The following PCDHGA10 variants were observed in gnomAD, a reference collection of about 807,000 sequenced individuals.
PCDHGA10 encodes protocadherin gamma subfamily A, 10, also known as protocadherin gamma-A10.
PCDHGA10 carries 42 observed loss-of-function variants against 59.5 expected under a neutral mutation model. The observed-to-expected ratio is 0.71, with a 90% CI of 0.55 to 0.91. The LOEUF (loss-of-function observed/expected upper bound fraction) is 0.91. Ranked by LOEUF, PCDHGA10 falls within the 40% of genes least tolerant of loss-of-function variation. PCDHGA10 has a pLI of 0.00. For missense variants in PCDHGA10, 1,111 were observed against 1,198.2 expected (o/e 0.93, Z 1.07); for synonymous variants, 511 against 517.2 (o/e 0.99, Z 0.16).
chr5:141,487,622 C>T lies in PCDHGA10; in HGVS notation c.2437-7185C>T. Reference sequence around the variant, plus strand: ...TCTTCTCTATGGGCTAGAGGTGAGACCTTTGCAGGCTCAACAAATGCTTGA... The same window carrying T: ...TCTTCTCTATGGGCTAGAGGTGAGATCTTTGCAGGCTCAACAAATGCTTGA... On this transcript the variant is annotated intron_variant, in intron 1 of 3. Coordinates refer to ENST00000398610, the MANE Select transcript of PCDHGA10 (RefSeq NM_018913.3). This position sits in a 1 kb window ranked among gnomAD's most constrained non-coding sequence, Gnocchi z 5.0. 1.2e-6 allele frequency: 2 copies of T among 1,614,174 alleles called. No homozygotes were observed. Among genetic ancestry groups the T allele is most frequent in the South Asian group, 1.1e-5 (1 of 91,084 alleles).
rs1446853595 is a variant in PCDHGA10, at chr5:141,491,363, C to T, written c.2437-3444C>T. ...ACCGTCAGTCTCTTATCCCTAGTCA[C>T]CTTCACCTTTCTGTCAGCGAAGTGC... On this transcript the variant is annotated intron_variant, in intron 1 of 3. Coordinates refer to ENST00000398610, the MANE Select transcript of PCDHGA10 (RefSeq NM_018913.3). This position sits in a 1 kb window ranked among gnomAD's most constrained non-coding sequence, Gnocchi z 6.9. The T allele has an allele frequency of 6.2e-7, 1 of 1,614,182 alleles. No individual in the cohort carries two copies. Among genetic ancestry groups the T allele is most frequent in the South Asian group, 1.1e-5 (1 of 91,082 alleles).
In PCDHGA10 at chr5:141,415,536, G is replaced by A. The variant is rs1561758201; in HGVS notation, c.2361G>A (p.Glu787=). 6.2e-7 allele frequency: 1 copy of A among 1,614,150 alleles called. No homozygotes were observed. The highest frequency in any genetic ancestry group is 8.5e-7 in the Non-Finnish European group (1 of 1,180,024). ...PNYADTLISQ[E]SCEKNDPLSL... The stretch of plus-strand genomic sequence containing the variant: ...ATGCGGACACGCTCATCAGCCAGGA[G>A]AGCTGTGAGAAAAACGATCCTTTGT... The change falls in exon 1 of 4, where the codon GAG becomes GAA. Residue 787 remains glutamate, a synonymous_variant. Coordinates refer to ENST00000398610, the MANE Select transcript of PCDHGA10 (RefSeq NM_018913.3).
Position 141,501,330 on chromosome 5 carries a change from CA to C in PCDHGA10, c.2496-4062del, listed in dbSNP as rs1562200936. 1.8e-3 allele frequency among the ~76,000 whole-genome samples: 266 copies of C among 151,500 alleles called. 1 individual carries two copies. Among genetic ancestry groups the C allele is most frequent in the African/African-American group, 5.1e-3 (210 of 41,250 alleles). On this transcript the variant is annotated intron_variant, in intron 2 of 3. Transcript: ENST00000398610. ...ACACACACACACACACACACACACACACACCCCAAACTCAATAGGGCAAGAA... is the reference window on the plus strand; with the variant it reads ...ACACACACACACACACACACACACACCACCCCAAACTCAATAGGGCAAGAA...
Position 141,413,350 on chromosome 5 carries a change from G to A in PCDHGA10, c.175G>A (p.Ala59Thr). The A allele has an allele frequency of 6.2e-7, 1 of 1,613,974 alleles. No individual in the cohort carries two copies. Among genetic ancestry groups the A allele is most frequent in the Non-Finnish European group, 8.5e-7 (1 of 1,179,908 alleles). Residue 59 changes from alanine (A) to threonine (T), a missense_variant, in exon 1 of 4, where the codon GCG becomes ACG. Physicochemically the swap from Ala to Thr is moderately conservative, Grantham distance 58. Transcript: ENST00000398610. ...VGNISKDLGL[A>T]PRELAERGVR... ...CAACATCTCCAAGGACTTGGGTCTGGCGCCCCGGGAGCTGGCGGAGCGCGG... is the reference window on the plus strand; with the variant it reads ...CAACATCTCCAAGGACTTGGGTCTGACGCCCCGGGAGCTGGCGGAGCGCGG...
Position 141,510,957 on chromosome 5 carries a change from T to C in PCDHGA10, c.2595T>C (p.Asp865=), listed in dbSNP as rs372617587. ...MILASASEAA[D]GSSTLGGGAG... ...CCTCTGTCTCTGCAGAAGCTGCTGA[T>C]GGGAGCTCCACCCTGGGAGGGGGTG... Residue 865 remains aspartate, a synonymous_variant, in exon 4 of 4, where the codon GAT becomes GAC. Transcript: ENST00000398610. 2.5e-6 allele frequency: 4 copies of C among 1,614,134 alleles called. No individual in the cohort carries two copies. The highest frequency in any genetic ancestry group is 3.4e-6 in the Non-Finnish European group (4 of 1,180,004).
chr5:141,480,429 T>C (rs72790066), intron 1 of PCDHGA10, among the ~76,000 whole-genome samples: 4 of 151,864 alleles, frequency 2.6e-5, no homozygotes, highest in African/African-American at 9.7e-5. Flanking sequence ...AAAAAAATTA[T>C]CAGCTATTAC....
Position 141,477,545 on chromosome 5 carries a change from C to T in PCDHGA10, c.2437-17262C>T. The T allele has an allele frequency of 6.2e-7, 1 of 1,614,194 alleles. No individual in the cohort carries two copies. Among genetic ancestry groups the T allele is most frequent in the South Asian group, 1.1e-5 (1 of 91,086 alleles). On this transcript the variant is annotated intron_variant, in intron 1 of 3. Coordinates refer to ENST00000398610, the MANE Select transcript of PCDHGA10 (RefSeq NM_018913.3). The surrounding 1 kb of genome is among the most constrained non-coding windows in gnomAD (Gnocchi z 4.9). ...AAACAACCTCCCCGGGGCTCCAATA[C>T]TAAACCTAAGTGTCTGGGACCCCGA...
At position 141,418,475 on chromosome 5, in the gene PCDHGA10, A is replaced by G; in HGVS notation, c.2436+2864A>G. On this transcript the variant is annotated intron_variant, in intron 1 of 3. Transcript: ENST00000398610. The stretch of plus-strand genomic sequence containing the variant: ...GAAGACTCTGGACCGAGAAACGCAG[A>G]GCGCTCACCACTTGGTACTGACCGC... 3 of 1,614,000 alleles carry G rather than the reference A, an allele frequency of 1.9e-6. No individual in the cohort carries two copies. Among genetic ancestry groups the G allele is most frequent in the Non-Finnish European group, 2.5e-6 (3 of 1,179,892 alleles).
intron 1 of PCDHGA10, among the ~76,000 whole-genome samples, chr5:141,488,497 C>CA (rs1415483796): frequency 4.6e-5 from 7 of 152,204 alleles, no homozygotes; most frequent in African/African-American, 1.7e-4. Flanking sequence ...CTGTAACACT[C>CA]ATTCCACATT....
rs138542775 is a variant in PCDHGA10, at chr5:141,491,313, C to T, written c.2437-3494C>T. ...ACCCTCCTGAGCGTTCAGACCTTAC[C>T]CTTTACCTCATTGTGGCTCTAGCGA... On this transcript the variant is annotated intron_variant, in intron 1 of 3. Transcript: ENST00000398610. This position sits in a 1 kb window ranked among gnomAD's most constrained non-coding sequence, Gnocchi z 6.9. 405 of 1,614,154 alleles carry T rather than the reference C, an allele frequency of 2.5e-4. 2 individuals are homozygous for T. In the African/African-American group the frequency reaches 4.5e-3, roughly 18 times the overall value.
Position 141,427,970 on chromosome 5 carries a change from C to A in PCDHGA10, c.2436+12359C>A, listed in dbSNP as rs760792774. On this transcript the variant is annotated intron_variant, in intron 1 of 3. Coordinates refer to ENST00000398610, the MANE Select transcript of PCDHGA10 (RefSeq NM_018913.3). ...ATGACAATGTGCCGCGGGTGCTGTA[C>A]CCCGCGCTGGGGCCCGATGGCTCCG... 1.9e-6 allele frequency: 3 copies of A among 1,592,510 alleles called. No individual in the cohort carries two copies. The Admixed American group carries it at 5.0e-5, about 27-fold the overall frequency.
At chr5:141,495,779 C>A (rs529564820) in intron 2 of PCDHGA10, among the ~76,000 whole-genome samples, 53 of 152,094 alleles carry the variant, frequency 3.5e-4, no homozygotes, top group Non-Finnish European at 4.6e-4. Flanking sequence ...TCCTGGACCT[C>A]TTTTCTGTTT....
intron 1 of PCDHGA10, chr5:141,419,566 C>G: frequency 3.1e-6 from 5 of 1,611,792 alleles, no homozygotes; most frequent in Non-Finnish European, 2.5e-6. Context: ...CGCTGGGTCC[C>G]GACGGCTCCG....
chr5:141,481,257 A>T (rs2099534664), intron 1 of PCDHGA10, among the ~76,000 whole-genome samples: 1 of 152,172 alleles, frequency 6.6e-6, no homozygotes, highest in African/African-American at 2.4e-5. Context: ...GCTCTAAAAG[A>T]TCACTGTAGG....
chr5:141,491,709 C>T lies in PCDHGA10; in HGVS notation c.2437-3098C>T, dbSNP rs2099725685. On this transcript the variant is annotated intron_variant, in intron 1 of 3. Coordinates refer to ENST00000398610, the MANE Select transcript of PCDHGA10 (RefSeq NM_018913.3). The surrounding 1 kb of genome is among the most constrained non-coding windows in gnomAD (Gnocchi z 6.9). The stretch of plus-strand genomic sequence containing the variant: ...TGCGGGAGCGGAGCCAGGTGAGGGG[C>T]TCGGCGCCGCCCCGGGCGACCCCTG... 6.2e-7 allele frequency: 1 copy of T among 1,610,156 alleles called. No homozygotes were observed. Among genetic ancestry groups the T allele is most frequent in the Non-Finnish European group, 8.5e-7 (1 of 1,178,376 alleles).
At chr5:141,418,549 C>A in intron 1 of PCDHGA10, 1 of 1,614,024 alleles carries the variant, frequency 6.2e-7, no homozygotes, top group Non-Finnish European at 8.5e-7. Context: ...AGATAAGAAT[C>A]CTGGTAATAG....
At position 141,415,490 on chromosome 5, in the gene PCDHGA10, T is replaced by C; in HGVS notation, c.2315T>C (p.Leu772Pro). 1.2e-6 allele frequency: 2 copies of C among 1,614,228 alleles called. No homozygotes were observed. The highest frequency in any genetic ancestry group is 3.3e-5 in the Admixed American group (2 of 60,032). ...SLTADSRKSH[L>P]IFPQPNYADT... ...ACCGCGGACTCGCGAAAGAGTCACC[T>C]GATCTTCCCCCAGCCCAATTATGCG... Residue 772 changes from leucine (L) to proline (P), a missense_variant, in exon 1 of 4, where the codon CTG (leucine) becomes CCG (proline). Leu to Pro is a moderately conservative substitution (Grantham distance 98). Coordinates refer to ENST00000398610, the MANE Select transcript of PCDHGA10 (RefSeq NM_018913.3).
At chr5:141,442,403 G>A (rs1042068651) in intron 1 of PCDHGA10, 2 of 152,168 alleles carry the variant, frequency 1.3e-5, no homozygotes, top group African/African-American at 4.8e-5. Context: ...TACGAATCCA[G>A]GGCTGAGTGA....
Position 141,432,683 on chromosome 5 carries a change from C to T in PCDHGA10, c.2436+17072C>T, listed in dbSNP as rs138402830. The T allele has an allele frequency of 4.8e-5, 78 of 1,613,968 alleles. No individual in the cohort carries two copies. In the African/African-American group the frequency reaches 9.5e-4, roughly 20 times the overall value. On this transcript the variant is annotated intron_variant, in intron 1 of 3. Transcript: ENST00000398610. The surrounding 1 kb of genome is among the most constrained non-coding windows in gnomAD (Gnocchi z 6.0). ...GGACAGAGACGCGCTCAAGCAGAGC[C>T]TCGTAGTGGCCGTCCAGGACCACGG...
Sources: gnomAD v4.1 joint callset for allele counts (sites outside exome capture counted in the v4.1 genomes callset) on GRCh38, gnomAD v4.1.1 for gene constraint, Gnocchi (gnomAD v3.1) non-coding constraint, MANE v1.5 for transcripts, NCBI Gene and HGNC (gene_info 2026-07-23, HGNC 2026-07-21) for gene names.